ACTN4: variants seen among roughly 807,000 people sequenced by gnomAD.
ACTN4 encodes alpha-actinin-4.
A neutral mutation model predicts 114.2 loss-of-function variants in ACTN4; 18 were observed. The ratio of observed to expected loss-of-function variants is 0.16; its 90% confidence interval spans 0.11 to 0.23. The LOEUF (loss-of-function observed/expected upper bound fraction) is 0.23. Among genes scored for constraint, ACTN4 ranks in the 10% least tolerant of loss-of-function variants. The pLI is 1.00. For missense variants in ACTN4, 722 were observed against 1,262.9 expected (o/e 0.57, Z 6.49); for synonymous variants, 515 against 506.3 (o/e 1.02, Z -0.23).
rs1648408191 is a variant in ACTN4, at chr19:38,727,180, G to A, written c.2337+77G>A. On this transcript the variant is annotated intron_variant, in intron 18 of 20. Transcript: ENST00000252699. The surrounding 1 kb of genome is among the most constrained non-coding windows in gnomAD (Gnocchi z 5.4). ...AGCCCACACCTTCGTCTCTGCATCT[G>A]TTCGTCCATTCCCATCACAGTTGCT... 2 of 1,605,450 alleles carry A rather than the reference G, an allele frequency of 1.2e-6. No individual in the cohort carries two copies. The highest frequency in any genetic ancestry group is 1.7e-6 in the Non-Finnish European group (2 of 1,175,124).
At chr19:38,660,139 C>T (rs1976837202) in intron 1 of ACTN4, among the ~76,000 whole-genome samples, 1 of 152,108 alleles carries the variant, frequency 6.6e-6, no homozygotes, top group African/African-American at 2.4e-5. Flanking sequence ...CCAGGCTGGT[C>T]TCCAACTCCT....
Position 38,689,834 on chromosome 19 carries a change from C to T in ACTN4, c.163-10766C>T, listed in dbSNP as rs140435736. On this transcript the variant is annotated intron_variant, in intron 1 of 20. Transcript: ENST00000252699. The stretch of plus-strand genomic sequence containing the variant: ...AACTACAGGCGTGCGCCACCATGCC[C>T]GGCTACTTTTTGTATTATTAGTTAG... Among the ~76,000 whole-genome samples, 861 of 152,204 alleles carry T rather than the reference C, an allele frequency of 5.7e-3. 4 individuals are homozygous for T. Among genetic ancestry groups the T allele is most frequent in the Middle Eastern group, 0.027 (8 of 294 alleles).
chr19:38,722,941 G>C (rs748885935), intron 12 of ACTN4, among the ~76,000 whole-genome samples: 56 of 152,322 alleles, frequency 3.7e-4, no homozygotes, highest in Admixed American at 6.5e-4. Flanking sequence ...TGCTGAGGGG[G>C]AATTACAGAG....
intron 1 of ACTN4, among the ~76,000 whole-genome samples, chr19:38,673,557 T>G (rs1967229943): frequency 1.1e-5 from 1 of 87,912 alleles, no homozygotes; most frequent in Non-Finnish European, 2.3e-5. Context: ...TTATATATAC[T>G]TATATATATT....
chr19:38,730,906 T>C lies in ACTN4; in HGVS notation c.*1474T>C, dbSNP rs1327578232. ...AAGGAAGAGAAGGAAGACAGTGGCT[T>C]GAGGCAGGGAGCTCGCAGGACAGAG... On this transcript the variant is annotated 3_prime_UTR_variant, in exon 21 of 21. Transcript: ENST00000252699. 1.3e-6 allele frequency: 2 copies of C among 1,550,832 alleles called. No homozygotes were observed.
At position 38,708,107 on chromosome 19, in the gene ACTN4, C is replaced by A. The variant is rs1182924046; in HGVS notation, c.573-10C>A. On this transcript the variant is annotated splice_polypyrimidine_tract_variant and intron_variant, in intron 5 of 20. Coordinates refer to ENST00000252699, the MANE Select transcript of ACTN4 (RefSeq NM_004924.6). ...GGGCCCTCCTATAACCTTTGCCTTT[C>A]CTTCCCCAGCTGGAAGGATGGTCTT... 6.2e-7 allele frequency: 1 copy of A among 1,614,198 alleles called. No individual in the cohort carries two copies. The highest frequency in any genetic ancestry group is 8.5e-7 in the Non-Finnish European group (1 of 1,180,018).
chr19:38,697,802 C>T (rs1968142376), intron 1 of ACTN4, among the ~76,000 whole-genome samples: 1 of 152,230 alleles, frequency 6.6e-6, no homozygotes, highest in Non-Finnish European at 1.5e-5. Flanking sequence ...CCCAGCAGTG[C>T]CTGCTCTCAG....
intron 1 of ACTN4, among the ~76,000 whole-genome samples, chr19:38,680,877 G>A (rs1205803504): frequency 6.6e-6 from 1 of 152,168 alleles, no homozygotes; most frequent in East Asian, 1.9e-4. Flanking sequence ...TGTAATCCCA[G>A]CACTTTGGGA....
At chr19:38,655,939 A>T (rs760163850) in intron 1 of ACTN4, among the ~76,000 whole-genome samples, 2 of 152,190 alleles carry the variant, frequency 1.3e-5, no homozygotes, top group Non-Finnish European at 2.9e-5. Context: ...TAATGACAAA[A>T]ATATGTACAT....
intron 12 of ACTN4, 177 bp downstream of exon 12, chr19:38,721,865 C>G: frequency 1.1e-6 from 1 of 915,014 alleles, no homozygotes. Flanking sequence ...GGCCTTTTGC[C>G]CATCCTGTCT....
At chr19:38,652,247 T>C (rs1049209558) in intron 1 of ACTN4, among the ~76,000 whole-genome samples, 32 of 152,050 alleles carry the variant, frequency 2.1e-4, no homozygotes, top group African/African-American at 7.0e-4. Context: ...TGTGTAAATA[T>C]GTGTGAGAGG....
chr19:38,717,211 G>A lies in ACTN4; in HGVS notation c.1038G>A (p.Lys346=), dbSNP rs1163153077. 2 of 1,614,236 alleles carry A rather than the reference G, an allele frequency of 1.2e-6. No homozygotes were observed. Among genetic ancestry groups the A allele is most frequent in the Non-Finnish European group, 1.7e-6 (2 of 1,180,044 alleles). The change falls in exon 10 of 21, where the codon AAG becomes AAA. Residue 346 remains lysine (K), a synonymous_variant. Transcript: ENST00000252699. The surrounding 1 kb of genome is among the most constrained non-coding windows in gnomAD (Gnocchi z 4.0). ...RDYRRVHKPP[K]VQEKCQLEIN... Reference sequence around the variant, plus strand: ...ACCGGCGTGTGCACAAGCCGCCCAAGGTGCAGGAGAAGTGCCAGCTGGAGA... The same window carrying A: ...ACCGGCGTGTGCACAAGCCGCCCAAAGTGCAGGAGAAGTGCCAGCTGGAGA...
At chr19:38,675,414 T>G (rs976414067) in intron 1 of ACTN4, among the ~76,000 whole-genome samples, 3 of 152,010 alleles carry the variant, frequency 2.0e-5, no homozygotes, top group African/African-American at 7.2e-5. Flanking sequence ...TTGATTTTTT[T>G]TGTAGAGGTG....
intron 1 of ACTN4, among the ~76,000 whole-genome samples, chr19:38,674,920 G>A (rs766839014): frequency 2.0e-5 from 3 of 152,172 alleles, no homozygotes; most frequent in Admixed American, 6.5e-5. Flanking sequence ...GCCCAGAGTT[G>A]TACGAGTCCT....
intron 1 of ACTN4, among the ~76,000 whole-genome samples, chr19:38,681,129 GA>G (rs35906770): frequency 0.17 from 11,980 of 68,898 alleles, 370 homozygotes; most frequent in Middle Eastern, 0.38. Flanking sequence ...CCAATCTCTA[GA>G]AAAAAAAAAA....
chr19:38,706,726 TC>T (rs1336989842), intron 5 of ACTN4, among the ~76,000 whole-genome samples: 1 of 152,230 alleles, frequency 6.6e-6, no homozygotes, highest in African/African-American at 2.4e-5. Flanking sequence ...TCTGGCCTCT[TC>T]CTTTATTTTG....
At chr19:38,675,927 A>G (rs1047608188) in intron 1 of ACTN4, among the ~76,000 whole-genome samples, 8 of 152,186 alleles carry the variant, frequency 5.3e-5, no homozygotes, top group African/African-American at 1.9e-4. Flanking sequence ...GCTTCTCCCA[A>G]ACGTAAGCTG....
At chr19:38,669,768 C>A (rs116785546) in intron 1 of ACTN4, among the ~76,000 whole-genome samples, 2,150 of 152,210 alleles carry the variant, frequency 0.014, 57 homozygotes, top group African/African-American at 0.048. Flanking sequence ...GGAGCTGACA[C>A]CCTCATGGTT....
In ACTN4 at chr19:38,729,592, CTCTCTTTGTGGGTTGGCCA is replaced by C. The variant is rs1346882690; in HGVS notation, c.*161_*179del. The C allele has an allele frequency of 7.5e-6, 8 of 1,067,466 alleles. No individual in the cohort carries two copies. Among genetic ancestry groups the C allele is most frequent in the Non-Finnish European group, 1.1e-5 (8 of 719,712 alleles). 66.1% of individuals were successfully genotyped at this position (1,067,466 alleles called of 1,614,324 possible). A position where few individuals can be genotyped will look rare whatever the true frequency, so the allele number is the denominator to read the frequency against. ...GGGGCTGGGGCAGGCTCTCTCCTCT[CTCTCTTTGTGGGTTGGCCA>C]GGAGGTTCCCCCGACCAGGTTGGGG... On this transcript the variant is annotated 3_prime_UTR_variant, in exon 21 of 21. Transcript: ENST00000252699.
Sources: gnomAD v4.1 joint callset for allele counts (sites outside exome capture counted in the v4.1 genomes callset) on GRCh38, gnomAD v4.1.1 for gene constraint, Gnocchi (gnomAD v3.1) non-coding constraint, MANE v1.5 for transcripts, NCBI Gene and HGNC (gene_info 2026-07-23, HGNC 2026-07-21) for gene names.